The following DCX variants were observed in gnomAD, a reference collection of about 807,000 sequenced individuals.
DCX encodes the protein neuronal migration protein doublecortin.
Under a neutral mutation model 20.9 loss-of-function variants are expected in DCX, and 4 were observed. That is an observed-to-expected ratio of 0.19 (90% CI 0.09 to 0.44). DCX has a LOEUF of 0.44. DCX is among the 20% of genes least tolerant of loss of function. The probability of loss-of-function intolerance (pLI) is 0.99; values close to 1 mark genes in which losing one functional copy is unlikely to be tolerated. For missense variants in DCX, 133 were observed against 296.9 expected (o/e 0.45, Z 4.06); for synonymous variants, 103 against 111.4 (o/e 0.92, Z 0.47).
chrX:111,393,343 G>A (rs1927090051), intron 3 of DCX, among the ~76,000 whole-genome samples: 1 of 111,723 alleles, frequency 9.0e-6, no homozygotes, highest in Non-Finnish European at 1.9e-5. Flanking sequence ...ATGGATCAGA[G>A]ATTTAAATCT....
At chrX:111,325,236 G>T (rs1209725658) in intron 5 of DCX, among the ~76,000 whole-genome samples, 1 of 111,474 alleles carries the variant, frequency 9.0e-6, no homozygotes, top group African/African-American at 3.3e-5. Context: ...CTAGCCTGGA[G>T]ATGGGAGAAG....
At chrX:111,325,112 C>G (rs2095096611) in intron 5 of DCX, among the ~76,000 whole-genome samples, 1 of 111,482 alleles carries the variant, frequency 9.0e-6, no homozygotes, top group Non-Finnish European at 1.9e-5. Context: ...TCTAAGCTGT[C>G]TTGTTTCAGT....
At chrX:111,307,408 T>C (rs2095047979) in intron 6 of DCX, among the ~76,000 whole-genome samples, 1 of 110,414 alleles carries the variant, frequency 9.1e-6, no homozygotes, top group African/African-American at 3.3e-5. Flanking sequence ...GGTTTTATAG[T>C]TGTTCGCTCT....
At chrX:111,397,419 T>C (rs1303351134) in intron 3 of DCX, among the ~76,000 whole-genome samples, 1 of 111,608 alleles carries the variant, frequency 9.0e-6, no homozygotes, top group African/African-American at 3.3e-5. Flanking sequence ...GACTTCAGCC[T>C]CCACAAAAAA....
chrX:111,400,614 G>C (rs1927695193), intron 3 of DCX, among the ~76,000 whole-genome samples: 1 of 112,304 alleles, frequency 8.9e-6, no homozygotes, highest in African/African-American at 3.2e-5. Context: ...TATCTAAAAA[G>C]TAATGAATGG....
chrX:111,299,464 A>G lies in DCX; in HGVS notation c.*2223T>C, dbSNP rs1342380655. The G allele has an allele frequency of 2.7e-5, 3 of 111,395 alleles. No individual in the cohort carries two copies. The highest frequency in any genetic ancestry group is 9.8e-5 in the African/African-American group (3 of 30,565). 9.2% of individuals were successfully genotyped at this position (111,395 alleles called of 1,213,427 possible). A position where few individuals can be genotyped will look rare whatever the true frequency, so the allele number is the denominator to read the frequency against. ...CTGGTCCTGCTCTTTACCAGCCTCC[A>G]CTTCCTCAACTTAAAATAAAGGTGA... On this transcript the variant is annotated 3_prime_UTR_variant, in exon 7 of 7. Transcript: ENST00000636035.
intron 3 of DCX, among the ~76,000 whole-genome samples, chrX:111,374,402 T>A: frequency 8.9e-6 from 1 of 112,145 alleles, no homozygotes; most frequent in Middle Eastern, 4.6e-3. Context: ...TTATATTGCT[T>A]ATGGGGTTAT....
At chrX:111,338,108 T>C (rs1479291450) in intron 3 of DCX, among the ~76,000 whole-genome samples, 1 of 112,272 alleles carries the variant, frequency 8.9e-6, no homozygotes, top group Non-Finnish European at 1.9e-5. Context: ...AGGTACCTTT[T>C]TCTTAACAGC....
At chrX:111,324,921 T>C (rs900968781) in intron 5 of DCX, among the ~76,000 whole-genome samples, 1 of 111,641 alleles carries the variant, frequency 9.0e-6, no homozygotes, top group Non-Finnish European at 1.9e-5. Context: ...CCATATACCA[T>C]GCACTATGGG....
At chrX:111,322,457 T>A (rs2095088881) in intron 5 of DCX, among the ~76,000 whole-genome samples, 1 of 112,303 alleles carries the variant, frequency 8.9e-6, no homozygotes, top group Admixed American at 9.4e-5. Context: ...ATTCTGCCAC[T>A]TCCTCATTTT....
intron 5 of DCX, among the ~76,000 whole-genome samples, chrX:111,313,133 A>T (rs761842880): frequency 1.8e-5 from 2 of 111,131 alleles, no homozygotes; most frequent in African/African-American, 6.5e-5. Context: ...TATGTGCCTT[A>T]CCTTAAAGGG....
At chrX:111,316,086 TAAAAAAAAAAAAA>T (rs754058802) in intron 5 of DCX, among the ~76,000 whole-genome samples, 1 of 50,659 alleles carries the variant, frequency 2.0e-5, no homozygotes, top group Non-Finnish European at 3.6e-5. Context: ...TAATAAAAAA[TAAAAAAAAAAAAA>T]AAAAAAAAAA....
At chrX:111,353,299 A>C (rs1030603511) in intron 3 of DCX, among the ~76,000 whole-genome samples, 4 of 112,110 alleles carry the variant, frequency 3.6e-5, no homozygotes, top group Admixed American at 1.9e-4. Context: ...CCTGACCTGA[A>C]AAATGGAGTG....
chrX:111,313,874 A>C (rs1209801617), intron 5 of DCX, among the ~76,000 whole-genome samples: 1 of 89,245 alleles, frequency 1.1e-5, no homozygotes, highest in African/African-American at 4.2e-5. Flanking sequence ...GTGTGTGGAG[A>C]GTGGGGGAGA....
chrX:111,324,192 G>A (rs894382406), intron 5 of DCX, among the ~76,000 whole-genome samples: 74 of 111,545 alleles, frequency 6.6e-4, no homozygotes, highest in African/African-American at 2.2e-3. Flanking sequence ...GAGAGGTAGA[G>A]TTAAGAGCCT....
At chrX:111,319,692 C>T (rs929947807) in intron 5 of DCX, among the ~76,000 whole-genome samples, 1 of 112,345 alleles carries the variant, frequency 8.9e-6, no homozygotes, top group Non-Finnish European at 1.9e-5. Flanking sequence ...ACCTGTCGCA[C>T]TCAAGGTAAG....
intron 6 of DCX, among the ~76,000 whole-genome samples, chrX:111,307,940 C>T (rs997975574): frequency 2.7e-5 from 3 of 111,582 alleles, no homozygotes; most frequent in African/African-American, 9.8e-5. Flanking sequence ...CTTGTAGCTG[C>T]TGTGAGACTC....
intron 3 of DCX, among the ~76,000 whole-genome samples, chrX:111,394,974 A>T (rs186750289): frequency 3.6e-5 from 4 of 112,319 alleles, no homozygotes; most frequent in African/African-American, 1.3e-4. Context: ...AGCAAGAAAG[A>T]TCTGAATATA....
At chrX:111,373,033 A>C (rs2147713208) in intron 3 of DCX, among the ~76,000 whole-genome samples, 1 of 110,704 alleles carries the variant, frequency 9.0e-6, no homozygotes, top group South Asian at 3.9e-4. Flanking sequence ...GCTTTCTAAC[A>C]GAGGAAAGCT....
Sources: gnomAD v4.1 joint callset for allele counts (sites outside exome capture counted in the v4.1 genomes callset) on GRCh38, gnomAD v4.1.1 for gene constraint, MANE v1.5 for transcripts, NCBI Gene and HGNC (gene_info 2026-07-23, HGNC 2026-07-21) for gene names.